CREB5: variants seen among roughly 807,000 people sequenced by gnomAD.
CREB5 encodes the protein cAMP responsive element binding protein 5.
A neutral mutation model predicts 57.1 loss-of-function variants in CREB5; 19 were observed. The observed-to-expected ratio is 0.33, with a 90% CI of 0.23 to 0.49. The LOEUF is 0.49. Ranked by LOEUF, CREB5 falls within the 20% of genes least tolerant of loss-of-function variation. The pLI is 0.99. For missense variants in CREB5, 579 were observed against 671.6 expected, an observed-to-expected ratio of 0.86 and a Z score of 1.52; for synonymous variants, 238 against 238.3, an observed-to-expected ratio of 1.00 and a Z score of 0.01.
chr7:28,614,715 T>G (rs998559198), intron 5 of CREB5, among the ~76,000 whole-genome samples: 3 of 152,228 alleles, frequency 2.0e-5, no homozygotes, highest in African/African-American at 7.2e-5. Context: ...AATTTTTTTC[T>G]TATGGAAAAT....
rs1376015290 is a variant in CREB5 at position 28,825,721 on chromosome 7, T to C, written c.*6442T>C. On this transcript the variant is annotated 3_prime_UTR_variant, in exon 11 of 11. Transcript: ENST00000357727. ...ATGTTTAATTTTGTGTTAAGCTTTT[T>C]GTTGCATCGTGAACACATTTATTGT... 1 of 152,668 alleles carries C rather than the reference T, an allele frequency of 6.6e-6. No individual in the cohort carries two copies. The highest frequency in any genetic ancestry group is 1.5e-5 in the Non-Finnish European group (1 of 68,040). The allele number at this position is 152,668 out of a possible 1,614,324, so 9.5% of individuals were successfully genotyped here. A position where few individuals can be genotyped will look rare whatever the true frequency, so the allele number is the denominator to read the frequency against.
intron 4 of CREB5, among the ~76,000 whole-genome samples, chr7:28,510,783 T>C (rs575293344): frequency 3.7e-4 from 57 of 152,292 alleles, no homozygotes; most frequent in South Asian, 3.7e-3. Flanking sequence ...ACACGTTCCA[T>C]AATAGCCTCA....
rs4722810 is a variant in CREB5 at position 28,551,845 on chromosome 7, T to G, written c.292-18520T>G. On this transcript the variant is annotated intron_variant, in intron 4 of 10. Coordinates refer to ENST00000357727, the MANE Select transcript of CREB5 (RefSeq NM_182898.4). ...TTTTTCTTTCTTTCTTTCTTTCTTTTTCTTTCTTTCTTTTCTTTCTTTCTT... is the reference window on the plus strand; with the variant it reads ...TTTTTCTTTCTTTCTTTCTTTCTTTGTCTTTCTTTCTTTTCTTTCTTTCTT... Among the ~76,000 whole-genome samples, 305 of 99,988 alleles carry G rather than the reference T, an allele frequency of 3.1e-3. 7 individuals are homozygous for G. In the East Asian group the frequency reaches 0.061, roughly 20 times the overall value. The allele number at this position is 99,988 out of a possible 152,430, so 65.6% of individuals were successfully genotyped here. A position where few individuals can be genotyped will look rare whatever the true frequency, so the allele number is the denominator to read the frequency against.
intron 1 of CREB5, among the ~76,000 whole-genome samples, chr7:28,312,190 A>AT (rs1469880807): frequency 8.8e-5 from 8 of 91,254 alleles, no homozygotes; most frequent in Admixed American, 6.1e-4. Context: ...TAGCTAATTG[A>AT]TAAAAAAAAA....
chr7:28,750,469 A>G (rs561755457), intron 7 of CREB5, among the ~76,000 whole-genome samples: 24 of 152,330 alleles, frequency 1.6e-4, no homozygotes, highest in African/African-American at 5.5e-4. Flanking sequence ...TAAATTTCTG[A>G]CAAGAAAATT....
intron 5 of CREB5, among the ~76,000 whole-genome samples, chr7:28,714,234 G>C (rs1802554684): frequency 6.6e-6 from 1 of 152,174 alleles, no homozygotes; most frequent in Non-Finnish European, 1.5e-5. Context: ...CAAAGTTCTG[G>C]ATGATAGGCA....
intron 4 of CREB5, among the ~76,000 whole-genome samples, chr7:28,560,875 C>CGTGTGTGTGTGTGCGTGCGTGCGTGT (rs1238154632): frequency 5.2e-5 from 1 of 19,220 alleles, no homozygotes; most frequent in African/African-American, 1.8e-4. Flanking sequence ...CCTGCGTGCG[C>CGTGTGTGTGTGTGCGTGCGTGCGTGT]GTGCGTGCGT....
chr7:28,362,943 G>A (rs539141123), intron 1 of CREB5, among the ~76,000 whole-genome samples: 3 of 152,262 alleles, frequency 2.0e-5, no homozygotes, highest in African/African-American at 7.2e-5. Flanking sequence ...TGTGCACAGG[G>A]TTTTAAATGT....
intron 5 of CREB5, among the ~76,000 whole-genome samples, chr7:28,660,213 G>GA (rs1040875042): frequency 6.6e-6 from 1 of 151,714 alleles, no homozygotes; most frequent in Admixed American, 6.6e-5. Context: ...TGTTTTTTAT[G>GA]AAAAAAAAGT....
chr7:28,433,629 A>C (rs1327902295), intron 1 of CREB5, among the ~76,000 whole-genome samples: 1 of 152,032 alleles, frequency 6.6e-6, no homozygotes, highest in Non-Finnish European at 1.5e-5. Flanking sequence ...GTGCCGCCAC[A>C]CCCGCCCAAA....
At chr7:28,466,776 CCAAGGTCAAGGCTTTG>C (rs1405158661) in intron 1 of CREB5, among the ~76,000 whole-genome samples, 1 of 152,128 alleles carries the variant, frequency 6.6e-6, no homozygotes, top group African/African-American at 2.4e-5. Flanking sequence ...TCTCTGAGCC[CCAAGGTCAAGGCTTTG>C]CAAATCGGGG....
At chr7:28,408,340 G>A (rs1465534178), upstream of CREB5, among the ~76,000 whole-genome samples, 1 of 152,184 alleles carries the variant, frequency 6.6e-6, no homozygotes, top group Non-Finnish European at 1.5e-5. Context: ...GTCTAGAATC[G>A]GGCTGGATTT....
At chr7:28,318,561 T>C (rs79979935) in intron 1 of CREB5, among the ~76,000 whole-genome samples, 3,750 of 152,320 alleles carry the variant, frequency 0.025, 74 homozygotes, top group Admixed American at 0.059. Flanking sequence ...TGATTCTCTA[T>C]AGAGCCTCCC....
At chr7:28,501,016 C>A (rs1268005855) in intron 3 of CREB5, among the ~76,000 whole-genome samples, 1 of 152,128 alleles carries the variant, frequency 6.6e-6, no homozygotes, top group Admixed American at 6.5e-5. Context: ...TCCCTTATAC[C>A]AGTCATTGCG....
At chr7:28,566,048 C>T (rs749432596) in intron 4 of CREB5, among the ~76,000 whole-genome samples, 7 of 152,258 alleles carry the variant, frequency 4.6e-5, no homozygotes, top group African/African-American at 1.2e-4. Context: ...TCTGATTCTT[C>T]TGCTCTTCCT....
intron 1 of CREB5, among the ~76,000 whole-genome samples, chr7:28,363,156 A>G (rs1051962044): frequency 2.0e-5 from 3 of 152,186 alleles, no homozygotes; most frequent in Non-Finnish European, 4.4e-5. Flanking sequence ...GAGGATATTT[A>G]TGACTGGAGA....
chr7:28,650,246 A>G (rs192380309), intron 5 of CREB5, among the ~76,000 whole-genome samples: 1 of 152,354 alleles, frequency 6.6e-6, no homozygotes, highest in East Asian at 1.9e-4. Context: ...GGCATTTCAC[A>G]TACACCTTGA....
chr7:28,512,970 A>G (rs1792777683), intron 4 of CREB5, among the ~76,000 whole-genome samples: 1 of 152,238 alleles, frequency 6.6e-6, no homozygotes, highest in Non-Finnish European at 1.5e-5. Context: ...GGGACAAGCT[A>G]CAGTCTTAAG....
rs59192497 is a variant in CREB5 at position 28,611,489 on chromosome 7, T to TAAAAAAAAAAA, written c.464+40969_464+40979dup. On this transcript the variant is annotated intron_variant, in intron 5 of 10. Coordinates refer to ENST00000357727, the MANE Select transcript of CREB5 (RefSeq NM_182898.4). ...CAACATGGTGAAACCCCATCTCTAC[T>TAAAAAAAAAAA]AAAAAAAAAAAAAAAAAAAAAAAAA... is the stretch of plus-strand genomic sequence containing the variant. 5.2e-4 allele frequency among the ~76,000 whole-genome samples: 25 copies of TAAAAAAAAAAA among 47,978 alleles called. 1 individual carries two copies. Among genetic ancestry groups the TAAAAAAAAAAA allele is most frequent in the African/African-American group, 2.3e-3 (25 of 10,810 alleles). The allele number at this position is 47,978 out of a possible 152,430, so 31.5% of individuals were successfully genotyped here.
Sources: gnomAD v4.1 joint callset for allele counts (sites outside exome capture counted in the v4.1 genomes callset) on GRCh38, gnomAD v4.1.1 for gene constraint, MANE v1.5 for transcripts, NCBI Gene and HGNC (gene_info 2026-07-23, HGNC 2026-07-21) for gene names.